The following SOX5 variants were observed in gnomAD, a reference collection of about 807,000 sequenced individuals.
SOX5 encodes the protein transcription factor SOX-5.
Under a neutral mutation model 92.0 loss-of-function variants are expected in SOX5, and 9 were observed. The observed-to-expected ratio is 0.10, with a 90% confidence interval of 0.06 to 0.17. The LOEUF (loss-of-function observed/expected upper bound fraction) is 0.17, where lower values mean the gene tolerates loss of function less well. Ranked by LOEUF, SOX5 falls within the 10% of genes least tolerant of loss-of-function variation. The pLI is 1.00. For synonymous variants in SOX5, 344 were observed against 336.3 expected (o/e 1.02, Z -0.25); for missense variants, 642 against 944.5 (o/e 0.68, Z 4.20).
At chr12:23,687,876 CT>C (rs10632537) in intron 6 of SOX5, among the ~76,000 whole-genome samples, 4 of 149,250 alleles carry the variant, frequency 2.7e-5, no homozygotes, top group Non-Finnish European at 3.0e-5. Context: ...TGCCAGTTCA[CT>C]TTTTTTTTTT....
At chr12:24,070,517 C>A (rs1424842015) in intron 4 of SOX5, among the ~76,000 whole-genome samples, 1 of 151,938 alleles carries the variant, frequency 6.6e-6, no homozygotes, top group African/African-American at 2.4e-5. Flanking sequence ...AATGTTCCTC[C>A]AACTACTTTC....
intron 1 of SOX5, among the ~76,000 whole-genome samples, chr12:23,906,253 A>C (rs2097292217): frequency 6.6e-6 from 1 of 152,234 alleles, no homozygotes; most frequent in Non-Finnish European, 1.5e-5. Flanking sequence ...ATTTATCTAT[A>C]AATTACTTAG....
intron 3 of SOX5, among the ~76,000 whole-genome samples, chr12:24,243,855 G>A (rs1938009227): frequency 6.6e-6 from 1 of 152,004 alleles, no homozygotes; most frequent in Admixed American, 6.6e-5. Context: ...ACTTCCACCT[G>A]AATAGAAATA....
At chr12:24,209,122 A>G (rs1403565075) in intron 4 of SOX5, among the ~76,000 whole-genome samples, 1 of 152,216 alleles carries the variant, frequency 6.6e-6, no homozygotes, top group Non-Finnish European at 1.5e-5. Flanking sequence ...GCATTTAAAT[A>G]TTTTGCTTCT....
At chr12:24,387,553 C>T (rs2136442552) in intron 1 of SOX5, among the ~76,000 whole-genome samples, 1 of 152,098 alleles carries the variant, frequency 6.6e-6, no homozygotes, top group Admixed American at 6.5e-5. Flanking sequence ...ATTCTGTCAC[C>T]CTCTTCAAAT....
At chr12:24,369,184 G>A (rs1230776732) in intron 1 of SOX5, among the ~76,000 whole-genome samples, 1 of 152,152 alleles carries the variant, frequency 6.6e-6, no homozygotes, top group Admixed American at 6.5e-5. Context: ...TGGCCAAAGA[G>A]ATGGGCATCT....
At chr12:23,673,658 T>G (rs2085165686) in intron 6 of SOX5, among the ~76,000 whole-genome samples, 2 of 152,084 alleles carry the variant, frequency 1.3e-5, no homozygotes, top group Admixed American at 1.3e-4. Context: ...TATCAGTTAT[T>G]TTTCCCCATG....
intron 1 of SOX5, among the ~76,000 whole-genome samples, chr12:24,453,761 GCAAGC>G (rs1399527600): frequency 1.3e-5 from 2 of 152,168 alleles, no homozygotes; most frequent in African/African-American, 4.8e-5. Context: ...CTAACTGGTA[GCAAGC>G]TTAGATGACA....
intron 1 of SOX5, among the ~76,000 whole-genome samples, chr12:24,481,140 A>G (rs768627840): frequency 2.6e-5 from 4 of 152,208 alleles, no homozygotes; most frequent in Non-Finnish European, 4.4e-5. Context: ...TATGTTAAGT[A>G]AAATAAGCCA....
chr12:23,961,364 T>C (rs1192365036), intron 4 of SOX5, among the ~76,000 whole-genome samples: 1 of 152,178 alleles, frequency 6.6e-6, no homozygotes, highest in Non-Finnish European at 1.5e-5. Flanking sequence ...ATATGATTGT[T>C]CATGCTCTGG....
intron 9 of SOX5, among the ~76,000 whole-genome samples, chr12:23,599,882 C>A (rs1339283416): frequency 6.6e-6 from 1 of 152,028 alleles, no homozygotes; most frequent in Admixed American, 6.6e-5. Flanking sequence ...ACAAATGTAT[C>A]GAAAGATCAA....
intron 9 of SOX5, chr12:23,582,385 G>A (rs967078754): frequency 1.6e-5 from 9 of 552,332 alleles, no homozygotes; most frequent in South Asian, 8.0e-5. Context: ...TTATATTTAC[G>A]TGCAAGAGTC....
intron 10 of SOX5, among the ~76,000 whole-genome samples, chr12:23,570,611 TA>T (rs919684313): frequency 2.0e-5 from 3 of 151,312 alleles, no homozygotes; most frequent in South Asian, 2.1e-4. Flanking sequence ...AACCCATCTC[TA>T]AAAAAATACA....
At chr12:23,724,101 AT>A (rs2092981609) in intron 6 of SOX5, among the ~76,000 whole-genome samples, 1 of 152,202 alleles carries the variant, frequency 6.6e-6, no homozygotes, top group Non-Finnish European at 1.5e-5. Context: ...TTTTAAAAAA[AT>A]ATCCTGCCAC....
intron 2 of SOX5, among the ~76,000 whole-genome samples, chr12:24,318,558 T>C (rs552907681): frequency 1.8e-4 from 27 of 152,346 alleles, no homozygotes; most frequent in Non-Finnish European, 2.6e-4. Context: ...TTTGTTATTC[T>C]GGCTTATCCT....
intron 3 of SOX5, among the ~76,000 whole-genome samples, chr12:23,820,262 T>C (rs1405929738): frequency 6.6e-6 from 1 of 152,206 alleles, no homozygotes; most frequent in Non-Finnish European, 1.5e-5. Context: ...TTTGCCCACT[T>C]TTTGGTGGAG....
At chr12:24,138,414 C>CT (rs754268958) in intron 4 of SOX5, among the ~76,000 whole-genome samples, 3 of 152,260 alleles carry the variant, frequency 2.0e-5, no homozygotes, top group Non-Finnish European at 2.9e-5. Context: ...GCTGGCCTGT[C>CT]AATCAGTATA....
chr12:23,774,779 A>C (rs964281479), intron 3 of SOX5, among the ~76,000 whole-genome samples: 4 of 152,204 alleles, frequency 2.6e-5, no homozygotes, highest in African/African-American at 9.6e-5. Flanking sequence ...CTGAAGAAAA[A>C]AAAATAGTAC....
intron 4 of SOX5, among the ~76,000 whole-genome samples, chr12:24,207,811 T>C (rs117551282): frequency 0.025 from 3,799 of 152,288 alleles, 68 homozygotes; most frequent in South Asian, 0.053. Flanking sequence ...AGGAGGCAAC[T>C]TTCAGCATCA....
Sources: allele counts gnomAD v4.1 joint callset (sites outside exome capture counted in the v4.1 genomes callset), GRCh38; gene constraint gnomAD v4.1.1; transcripts MANE v1.5; gene names NCBI Gene and HGNC (gene_info 2026-07-23, HGNC 2026-07-21).